Variants in PHF11 observed in about 807,000 individuals in gnomAD.
PHF11 encodes the protein BRCA1 C-terminus-associated protein.
Under a neutral mutation model 40.5 loss-of-function variants are expected in PHF11, and 38 were observed. The ratio of observed to expected loss-of-function variants is 0.94; its 90% CI spans 0.72 to 1.23. The LOEUF (loss-of-function observed/expected upper bound fraction) is 1.23, where lower values mean the gene tolerates loss of function less well. PHF11 is among the 50% of genes most tolerant of loss of function. The pLI is 0.00. For missense variants in PHF11, 369 were observed against 392.4 expected, an observed-to-expected ratio of 0.94 and a Z score of 0.50; for synonymous variants, 127 against 138.2, an observed-to-expected ratio of 0.92 and a Z score of 0.57.
chr13:49,523,431 GA>G, intron 7 of PHF11, 190 bp downstream of exon 7: 1 of 593,860 alleles, frequency 1.7e-6, no homozygotes, highest in South Asian at 2.1e-5. Context: ...ACTTAGGTTG[GA>G]ATGGTCCATT....
chr13:49,523,131 C>A (rs1959198133), intron 6 of PHF11, 44 bp from the exon 7 acceptor site: 1 of 1,237,272 alleles, frequency 8.1e-7, no homozygotes, highest in African/African-American at 1.5e-5. Context: ...TCATTTTATG[C>A]AATATTAAAA....
intron 2 of PHF11, 99 bp downstream of exon 2, chr13:49,506,855 T>TTAAC (rs1465078503): frequency 4.3e-6 from 3 of 699,412 alleles, no homozygotes; most frequent in Non-Finnish European, 6.5e-6. Context: ...GAATAACAAG[T>TTAAC]TGGCCATGGT....
intron 1 of PHF11, among the ~76,000 whole-genome samples, chr13:49,497,738 C>CA (rs1158253850): frequency 1.3e-5 from 2 of 152,220 alleles, no homozygotes. Context: ...GCCTGGCCTG[C>CA]AGTTTACCCC....
Position 49,526,185 on chromosome 13 carries a change from A to AG in PHF11, c.770-202_770-201insG, listed in dbSNP as rs1566198832. The AG allele has an allele frequency of 7.8e-4, 384 of 491,716 alleles. 1 individual carries two copies. The highest frequency in any genetic ancestry group is 2.5e-3 in the Middle Eastern group (5 of 2,008). The allele number at this position is 491,716 out of a possible 1,614,324, so 30.5% of individuals were successfully genotyped here. On this transcript the variant is annotated intron_variant, in intron 8 of 9. Coordinates refer to ENST00000378319, the MANE Select transcript of PHF11 (RefSeq NM_001040443.3). ...TTCTGTCTCAAAAAAAAAAAAAAAA[A>AG]AAAAAGAAAAAAGAGAAATGCCAAG...
In PHF11 at chr13:49,528,884, G is replaced by A. The variant is rs1351964125; in HGVS notation, c.*219G>A. The A allele has an allele frequency of 2.3e-6, 1 of 430,590 alleles. No individual in the cohort carries two copies. 26.7% of individuals were successfully genotyped at this position (430,590 alleles called of 1,614,324 possible). On this transcript the variant is annotated 3_prime_UTR_variant, in exon 10 of 10. Transcript: ENST00000378319. ...CCAGCACCTAGTATGCTCAGTAAAT[G>A]TTTGTGGAATAAGTGCATAAAATGT... is the stretch of plus-strand genomic sequence containing the variant.
At chr13:49,512,322 G>C (rs1283233975) in intron 2 of PHF11, among the ~76,000 whole-genome samples, 1 of 152,086 alleles carries the variant, frequency 6.6e-6, no homozygotes, top group Non-Finnish European at 1.5e-5. Flanking sequence ...CCCAGTCTCT[G>C]GCTTGCCTCT....
intron 2 of PHF11, among the ~76,000 whole-genome samples, chr13:49,511,943 G>A (rs1959087591): frequency 6.6e-6 from 1 of 152,180 alleles, no homozygotes; most frequent in South Asian, 2.1e-4. Context: ...TAAATAGCTA[G>A]AAGTAGAATT....
chr13:49,506,600 A>G, intron 1 of PHF11, 35 bp from the exon 2 acceptor site: 1 of 1,609,572 alleles, frequency 6.2e-7, no homozygotes, highest in Non-Finnish European at 8.5e-7. Flanking sequence ...AAGAAATTCC[A>G]CTTTTCCATT....
At chr13:49,511,293 T>C (rs1223880747) in intron 2 of PHF11, among the ~76,000 whole-genome samples, 1 of 151,440 alleles carries the variant, frequency 6.6e-6, no homozygotes, top group African/African-American at 2.4e-5. Flanking sequence ...GTGTCTTTAT[T>C]TAGGCCTTTC....
intron 8 of PHF11, chr13:49,526,037 T>C (rs1289723799): frequency 9.1e-6 from 3 of 329,570 alleles, no homozygotes; most frequent in African/African-American, 6.6e-5. Context: ...GGCGTGGCGG[T>C]GCGCGCCTGC....
chr13:49,518,941 TTC>T (rs1158889837), intron 4 of PHF11: 3 of 150,754 alleles, frequency 2.0e-5, no homozygotes, highest in Non-Finnish European at 4.4e-5. Context: ...GTTCACGCCA[TTC>T]TCCTGCCTCA....
chr13:49,513,255 G>T (rs1380012437), intron 3 of PHF11, 89 bp downstream of exon 3: 1 of 636,168 alleles, frequency 1.6e-6, no homozygotes. Flanking sequence ...GATACACCAG[G>T]GATAGAGAAG....
intron 3 of PHF11, among the ~76,000 whole-genome samples, chr13:49,517,660 CCT>C (rs1959167832): frequency 4.6e-5 from 7 of 152,302 alleles, no homozygotes; most frequent in African/African-American, 1.4e-4. Flanking sequence ...CAAAGGGCCC[CCT>C]AGTGGGGCCC....
In PHF11 at chr13:49,523,242, G is replaced by A; in HGVS notation, c.637+1G>A. 1 of 1,602,446 alleles carries A rather than the reference G, an allele frequency of 6.2e-7. No homozygotes were observed. The highest frequency in any genetic ancestry group is 8.6e-7 in the Non-Finnish European group (1 of 1,169,402). ...AAAGAAGAGCATGGCAGACACACAG[G>A]TTTGCGCTAAGTGTTGTCTGTAACA... On this transcript the variant is annotated splice_donor_variant, in intron 7 of 9. Transcript: ENST00000378319. LOFTEE classifies it high-confidence loss of function.
rs1566191418 is a variant in PHF11 at position 49,513,009 on chromosome 13, C to A, written c.217-50C>A. 4 of 878,932 alleles carry A rather than the reference C, an allele frequency of 4.6e-6. 1 individual carries two copies. Among genetic ancestry groups the A allele is most frequent in the South Asian group, 3.0e-5 (2 of 67,076 alleles). 54.4% of individuals were successfully genotyped at this position (878,932 alleles called of 1,614,324 possible). On this transcript the variant is annotated intron_variant, in intron 2 of 9. Coordinates refer to ENST00000378319, the MANE Select transcript of PHF11 (RefSeq NM_001040443.3). ...TTTGGTATGATTTTCTGACATGTAG[C>A]TTTCAATATTACTTTGTGCATACTC... is the stretch of plus-strand genomic sequence containing the variant.
At position 49,521,437 on chromosome 13, in the gene PHF11, TGTGAA is replaced by T. The variant is rs1440818107; in HGVS notation, c.505+501_505+505del. 8.1e-6 allele frequency: 8 copies of T among 986,326 alleles called. No individual in the cohort carries two copies. The South Asian group carries it at 2.3e-4, about 29-fold the overall frequency. The allele number at this position is 986,326 out of a possible 1,614,324, so 61.1% of individuals were successfully genotyped here. A position where few individuals can be genotyped will look rare whatever the true frequency, so the allele number is the denominator to read the frequency against. ...GCAGCACTACATCTGCAATGTTCATTGTGAAGTGGAGTCAGGACCTCGTTGGAAGA... is the reference window on the plus strand; with the variant it reads ...GCAGCACTACATCTGCAATGTTCATTGTGGAGTCAGGACCTCGTTGGAAGA... On this transcript the variant is annotated intron_variant, in intron 5 of 9. Transcript: ENST00000378319.
intron 1 of PHF11, 168 bp downstream of exon 1, chr13:49,496,263 C>A: frequency 1.5e-6 from 1 of 651,406 alleles, no homozygotes; most frequent in Non-Finnish European, 2.2e-6. Context: ...TCACCACTCG[C>A]GTGCCTGTTG....
intron 1 of PHF11, among the ~76,000 whole-genome samples, chr13:49,504,639 AGGCGCCTCTGCCC>A (rs1566187232): frequency 8.3e-6 from 1 of 120,598 alleles, no homozygotes; most frequent in Non-Finnish European, 1.7e-5. Context: ...GGGAGGTGAG[AGGCGCCTCTGCCC>A]GGCCGCCCCT....
intron 4 of PHF11, among the ~76,000 whole-genome samples, chr13:49,519,803 C>T (rs1348817750): frequency 6.6e-6 from 1 of 152,094 alleles, no homozygotes; most frequent in Non-Finnish European, 1.5e-5. Context: ...AGTGAAAGTG[C>T]TCAGAGATAC....
Sources: allele counts gnomAD v4.1 joint callset (sites outside exome capture counted in the v4.1 genomes callset), GRCh38; gene constraint gnomAD v4.1.1; transcripts MANE v1.5; gene names NCBI Gene and HGNC (gene_info 2026-07-23, HGNC 2026-07-21).